PARD3B: variants seen among roughly 807,000 people sequenced by gnomAD.
PARD3B encodes partitioning defective 3 homolog B.
A neutral mutation model predicts 130.2 loss-of-function variants in PARD3B; 103 were observed. The observed-to-expected ratio is 0.79, with a 90% CI of 0.67 to 0.93. The LOEUF is 0.93. Ranked by LOEUF, PARD3B falls within the 40% of genes least tolerant of loss-of-function variation. The pLI is 0.00. For missense variants in PARD3B, 1,609 were observed against 1,499.2 expected, an observed-to-expected ratio of 1.07 and a Z score of -1.21; for synonymous variants, 583 against 553.2, an observed-to-expected ratio of 1.05 and a Z score of -0.76.
chr2:205,466,062 T>TA (rs1271974852), intron 20 of PARD3B, among the ~76,000 whole-genome samples: 2 of 152,184 alleles, frequency 1.3e-5, no homozygotes, highest in African/African-American at 4.8e-5. Context: ...GGGATCTTGT[T>TA]AAAATGCAGA....
chr2:205,441,107 G>A (rs1049379943), intron 20 of PARD3B, among the ~76,000 whole-genome samples: 3 of 152,202 alleles, frequency 2.0e-5, no homozygotes, highest in African/African-American at 7.2e-5. Context: ...GAAAGCTGCA[G>A]AGGAGCAGGG....
At chr2:205,416,213 G>C (rs1462868788) in intron 19 of PARD3B, among the ~76,000 whole-genome samples, 1 of 151,818 alleles carries the variant, frequency 6.6e-6, no homozygotes, top group South Asian at 2.1e-4. Flanking sequence ...TGTGACCCTG[G>C]GTGTGCCTGC....
chr2:205,534,617 C>T (rs969299106), intron 21 of PARD3B, among the ~76,000 whole-genome samples: 1 of 152,034 alleles, frequency 6.6e-6, no homozygotes, highest in Non-Finnish European at 1.5e-5. Flanking sequence ...TACAGGTGCC[C>T]GCAACCACAC....
chr2:204,638,769 A>G (rs1574597265), intron 1 of PARD3B, among the ~76,000 whole-genome samples: 1 of 152,220 alleles, frequency 6.6e-6, no homozygotes, highest in Non-Finnish European at 1.5e-5. Context: ...ATCATAGGAT[A>G]TCCTATAACC....
intron 4 of PARD3B, among the ~76,000 whole-genome samples, chr2:205,074,627 G>A (rs185339890): frequency 9.1e-4 from 139 of 152,252 alleles, no homozygotes; most frequent in Non-Finnish European, 1.9e-3. Flanking sequence ...TATCAAAGAG[G>A]TTTATTAAAA....
intron 2 of PARD3B, among the ~76,000 whole-genome samples, chr2:204,854,985 G>A (rs2044863844): frequency 6.6e-6 from 1 of 152,110 alleles, no homozygotes; most frequent in Admixed American, 6.5e-5. Context: ...GAATTTTATA[G>A]TCAGGTTTGA....
At chr2:204,820,082 T>G (rs1445990125) in intron 2 of PARD3B, among the ~76,000 whole-genome samples, 6 of 143,938 alleles carry the variant, frequency 4.2e-5, no homozygotes, top group African/African-American at 1.6e-4. Context: ...TTTTTTTTTT[T>G]TTTTTTTTTT....
chr2:204,885,452 T>C (rs1014917701), intron 2 of PARD3B, among the ~76,000 whole-genome samples: 2 of 152,220 alleles, frequency 1.3e-5, no homozygotes, highest in African/African-American at 2.4e-5. Context: ...GTGTTCTTTA[T>C]AAAAATAAGA....
chr2:204,942,094 G>C (rs1218713247), intron 2 of PARD3B, among the ~76,000 whole-genome samples: 1 of 152,028 alleles, frequency 6.6e-6, no homozygotes, highest in Non-Finnish European at 1.5e-5. Flanking sequence ...TTGTAAAATT[G>C]AACTAAGTTG....
intron 2 of PARD3B, among the ~76,000 whole-genome samples, chr2:204,777,061 A>C (rs999663109): frequency 6.6e-6 from 1 of 152,196 alleles, no homozygotes; most frequent in Non-Finnish European, 1.5e-5. Context: ...AAATAAACCT[A>C]ATGGTATGTT....
chr2:204,672,310 T>C (rs532961768), intron 1 of PARD3B, among the ~76,000 whole-genome samples: 1 of 152,352 alleles, frequency 6.6e-6, no homozygotes, highest in Admixed American at 6.5e-5. Context: ...ATTTGTATTG[T>C]CTGCACAGGC....
chr2:204,784,338 TA>T (rs1231903622), intron 2 of PARD3B, among the ~76,000 whole-genome samples: 1 of 152,196 alleles, frequency 6.6e-6, no homozygotes, highest in East Asian at 1.9e-4. Context: ...TTTTTGTCCT[TA>T]AATGACTTTG....
intron 1 of PARD3B, among the ~76,000 whole-genome samples, chr2:204,683,323 A>G (rs2036926679): frequency 1.3e-5 from 2 of 152,214 alleles, no homozygotes; most frequent in South Asian, 4.1e-4. Context: ...AATCATAAAA[A>G]TATAGTAATT....
At chr2:205,039,623 AC>A (rs1698253161) in intron 3 of PARD3B, among the ~76,000 whole-genome samples, 1 of 152,000 alleles carries the variant, frequency 6.6e-6, no homozygotes, top group South Asian at 2.1e-4. Flanking sequence ...GGTGTGCACC[AC>A]CACACCCCAC....
chr2:204,608,483 C>G (rs2033809349), intron 1 of PARD3B, among the ~76,000 whole-genome samples: 1 of 152,150 alleles, frequency 6.6e-6, no homozygotes, highest in Non-Finnish European at 1.5e-5. Context: ...GAATCTCAAG[C>G]CAAAAGGAAT....
intron 1 of PARD3B, among the ~76,000 whole-genome samples, chr2:204,548,141 A>G (rs1444107637): frequency 6.6e-6 from 1 of 152,188 alleles, no homozygotes; most frequent in Non-Finnish European, 1.5e-5. Flanking sequence ...AGATTTAACG[A>G]ATATTAAATC....
intron 4 of PARD3B, among the ~76,000 whole-genome samples, chr2:205,049,342 G>A (rs947963788): frequency 2.0e-5 from 3 of 152,124 alleles, no homozygotes; most frequent in Non-Finnish European, 4.4e-5. Context: ...AGAGAGAAGT[G>A]CAGAGTGAAG....
At chr2:205,298,796 C>A (rs771257398) in intron 16 of PARD3B, among the ~76,000 whole-genome samples, 1 of 152,066 alleles carries the variant, frequency 6.6e-6, no homozygotes, top group African/African-American at 2.4e-5. Context: ...AGTTGTTTGA[C>A]CATAATCAAA....
intron 2 of PARD3B, among the ~76,000 whole-genome samples, chr2:204,864,166 A>C (rs2125633799): frequency 6.6e-6 from 1 of 152,242 alleles, no homozygotes; most frequent in South Asian, 2.1e-4. Flanking sequence ...GGAGCACGAC[A>C]GCATACTCCT....
Sources: gnomAD v4.1 joint callset for allele counts (sites outside exome capture counted in the v4.1 genomes callset) on GRCh38, gnomAD v4.1.1 for gene constraint, MANE v1.5 for transcripts, NCBI Gene and HGNC (gene_info 2026-07-23, HGNC 2026-07-21) for gene names.